CNTN6: variants seen among roughly 807,000 people sequenced by gnomAD.
CNTN6 encodes contactin-6.
CNTN6 carries 137 observed loss-of-function variants against 122.8 expected under a neutral mutation model. The observed-to-expected ratio is 1.12, with a 90% CI of 0.97 to 1.29. The LOEUF (loss-of-function observed/expected upper bound fraction) is 1.29, where lower values mean the gene tolerates loss of function less well. Among genes scored for constraint, CNTN6 ranks in the 50% most tolerant of loss-of-function variants. CNTN6 has a pLI of 0.00. For synonymous variants in CNTN6, 570 were observed against 426.0 expected (o/e 1.34, Z -4.16); for missense variants, 1,634 against 1,223.4 (o/e 1.34, Z -5.01).
chr3:1,271,932 T>A (rs909780945), intron 4 of CNTN6, among the ~76,000 whole-genome samples: 7 of 152,144 alleles, frequency 4.6e-5, no homozygotes, highest in African/African-American at 1.7e-4. Flanking sequence ...AAATCCCACA[T>A]TAAATTGTAG....
At chr3:1,275,570 G>T (rs1187610876) in intron 4 of CNTN6, among the ~76,000 whole-genome samples, 1 of 152,100 alleles carries the variant, frequency 6.6e-6, no homozygotes, top group African/African-American at 2.4e-5. Context: ...CACCCCATCA[G>T]GTTTACATTC....
intron 1 of CNTN6, among the ~76,000 whole-genome samples, chr3:1,111,586 C>T (rs2091482245): frequency 6.6e-6 from 1 of 152,140 alleles, no homozygotes; most frequent in African/African-American, 2.4e-5. Context: ...TAGGATGCAA[C>T]AGTGAACTCA....
chr3:1,243,544 C>A (rs558479830), intron 4 of CNTN6, among the ~76,000 whole-genome samples: 37 of 151,846 alleles, frequency 2.4e-4, no homozygotes, highest in South Asian at 1.7e-3. Flanking sequence ...GCCTTTTGAC[C>A]TTTTAGGGTC....
intron 4 of CNTN6, among the ~76,000 whole-genome samples, chr3:1,242,185 C>G (rs1263143569): frequency 1.3e-5 from 2 of 152,164 alleles, no homozygotes; most frequent in African/African-American, 4.8e-5. Flanking sequence ...TGCAGCAGTA[C>G]AGCCTTGGTA....
intron 1 of CNTN6, among the ~76,000 whole-genome samples, chr3:1,125,193 C>A (rs949661385): frequency 1.3e-5 from 2 of 152,010 alleles, no homozygotes; most frequent in Admixed American, 6.6e-5. Context: ...TTATCTAAAT[C>A]TTTACTTATC....
At chr3:1,222,469 C>T (rs2094220352) in intron 3 of CNTN6, among the ~76,000 whole-genome samples, 1 of 151,950 alleles carries the variant, frequency 6.6e-6, no homozygotes, top group South Asian at 2.1e-4. Context: ...CACATAAATA[C>T]ATAAATTACA....
intron 2 of CNTN6, among the ~76,000 whole-genome samples, chr3:1,205,304 A>C (rs2093943680): frequency 6.6e-6 from 1 of 152,188 alleles, no homozygotes; most frequent in Non-Finnish European, 1.5e-5. Context: ...AAGATAGTAA[A>C]ATTGTGTTGT....
intron 17 of CNTN6, among the ~76,000 whole-genome samples, chr3:1,379,261 G>C (rs1450132077): frequency 1.3e-5 from 2 of 152,122 alleles, no homozygotes; most frequent in African/African-American, 4.8e-5. Context: ...TGACCTATGA[G>C]ACAAATTTGT....
chr3:1,331,173 G>C (rs913905194), intron 11 of CNTN6, among the ~76,000 whole-genome samples: 1 of 151,956 alleles, frequency 6.6e-6, no homozygotes, highest in African/African-American at 2.4e-5. Flanking sequence ...ACACAATGAA[G>C]TGTACATCAG....
intron 4 of CNTN6, among the ~76,000 whole-genome samples, chr3:1,266,949 CTTTTTTTT>C (rs1036704755): frequency 1.1e-5 from 1 of 90,390 alleles, no homozygotes; most frequent in Non-Finnish European, 2.1e-5. Flanking sequence ...CAGCCTGGCC[CTTTTTTTT>C]TTTTTTTTTT....
At chr3:1,347,700 T>A (rs2126060174) in intron 11 of CNTN6, among the ~76,000 whole-genome samples, 1 of 152,208 alleles carries the variant, frequency 6.6e-6, no homozygotes, top group African/African-American at 2.4e-5. Flanking sequence ...CAGCTAAGAA[T>A]AAGAATTAGA....
intron 2 of CNTN6, among the ~76,000 whole-genome samples, chr3:1,198,201 T>G (rs1173798824): frequency 6.6e-6 from 1 of 152,146 alleles, no homozygotes; most frequent in Non-Finnish European, 1.5e-5. Flanking sequence ...CAAAAAAAAC[T>G]TATTCCTTGG....
At chr3:1,251,231 C>A (rs2094662570) in intron 4 of CNTN6, among the ~76,000 whole-genome samples, 1 of 152,104 alleles carries the variant, frequency 6.6e-6, no homozygotes. Flanking sequence ...GCTAAGATGA[C>A]TCTTTTAAGA....
chr3:1,279,844 A>T (rs969866972), intron 5 of CNTN6, among the ~76,000 whole-genome samples: 1 of 152,222 alleles, frequency 6.6e-6, no homozygotes, highest in Non-Finnish European at 1.5e-5. Context: ...AAGAAAGCTA[A>T]TTCAAAGTTA....
chr3:1,213,917 T>C (rs13090598), intron 2 of CNTN6, among the ~76,000 whole-genome samples: 1 of 152,168 alleles, frequency 6.6e-6, no homozygotes, highest in African/African-American at 2.4e-5. Flanking sequence ...AATAATATTA[T>C]ATGTATATAT....
At chr3:1,277,346 CTT>C (rs10599744) in intron 4 of CNTN6, among the ~76,000 whole-genome samples, 12 of 80,182 alleles carry the variant, frequency 1.5e-4, no homozygotes, top group Non-Finnish European at 1.7e-4. Flanking sequence ...AGTAGGTTTT[CTT>C]TTTTTTTTTT....
At chr3:1,282,029 A>T (rs75201547) in intron 5 of CNTN6, among the ~76,000 whole-genome samples, 1,738 of 152,208 alleles carry the variant, frequency 0.011, 22 homozygotes, top group African/African-American at 0.038. Context: ...TAGGAGAGTA[A>T]GAAAAAGTAT....
At position 1,280,466 on chromosome 3, in the gene CNTN6, T is replaced by TTTTTTTTTTTTTTTTTG. The variant is rs1693190897; in HGVS notation, c.454+1960_454+1976dup. 1.6e-5 allele frequency among the ~76,000 whole-genome samples: 2 copies of TTTTTTTTTTTTTTTTTG among 121,594 alleles called. 1 individual carries two copies. Among genetic ancestry groups the TTTTTTTTTTTTTTTTTG allele is most frequent in the Non-Finnish European group, 3.5e-5 (2 of 57,124 alleles). 79.8% of individuals were successfully genotyped at this position (121,594 alleles called of 152,430 possible). On this transcript the variant is annotated intron_variant, in intron 5 of 22. Coordinates refer to ENST00000446702, the MANE Select transcript of CNTN6 (RefSeq NM_001289080.2). Reference sequence around the variant, plus strand: ...CAAACTTGTGTAATACCAATTTTTTTTTTTTTTTTTTTTTTTGTGATAGCA... The same window carrying TTTTTTTTTTTTTTTTTG: ...CAAACTTGTGTAATACCAATTTTTTTTTTTTTTTTTTTTTTTGTTTTTTTTTTTTTTTTGTGATAGCA...
chr3:1,107,807 A>G (rs1473532239), intron 1 of CNTN6, among the ~76,000 whole-genome samples: 2 of 152,070 alleles, frequency 1.3e-5, no homozygotes. Context: ...CCAGGTTAGA[A>G]TAATACCAAA....
Sources: gnomAD v4.1 joint callset for allele counts (sites outside exome capture counted in the v4.1 genomes callset) on GRCh38, gnomAD v4.1.1 for gene constraint, MANE v1.5 for transcripts, NCBI Gene and HGNC (gene_info 2026-07-23, HGNC 2026-07-21) for gene names.